CYP27C1: variants seen among roughly 807,000 people sequenced by gnomAD.
CYP27C1 encodes cytochrome P450 family 27 subfamily C member 1.
A neutral mutation model predicts 40.6 loss-of-function variants in CYP27C1; 29 were observed. That is an observed-to-expected ratio of 0.71 (90% CI 0.53 to 0.97). The LOEUF (loss-of-function observed/expected upper bound fraction) is 0.97, where lower values mean the gene tolerates loss of function less well. Ranked by LOEUF, CYP27C1 falls within the 50% of genes least tolerant of loss-of-function variation. The pLI, the probability that CYP27C1 is intolerant of heterozygous loss-of-function variation, is 0.00. For synonymous variants in CYP27C1, 198 were observed against 186.8 expected, an observed-to-expected ratio of 1.06 and a Z score of -0.49; for missense variants, 390 against 485.8, an observed-to-expected ratio of 0.80 and a Z score of 1.85.
intron 1 of CYP27C1, among the ~76,000 whole-genome samples, chr2:127,215,687 C>A (rs1421409545): frequency 6.6e-6 from 1 of 152,030 alleles, no homozygotes; most frequent in African/African-American, 2.4e-5. Context: ...AAGACCCTGT[C>A]TCATTAAAAA....
intron 1 of CYP27C1, among the ~76,000 whole-genome samples, chr2:127,207,500 A>G (rs1448312750): frequency 3.3e-5 from 5 of 152,088 alleles, no homozygotes; most frequent in Admixed American, 2.6e-4. Context: ...CTATCTCAAA[A>G]AATACATATA....
intron 1 of CYP27C1, among the ~76,000 whole-genome samples, chr2:127,214,790 T>TGG (rs1558935013): frequency 1.1e-4 from 16 of 144,554 alleles, no homozygotes; most frequent in African/African-American, 3.8e-4. Context: ...TTGTTTTTTT[T>TGG]TTTTTTTTTG....
intron 8 of CYP27C1, 133 bp from the exon 9 acceptor site, chr2:127,187,520 C>G: frequency 2.8e-6 from 2 of 710,712 alleles, no homozygotes; most frequent in Non-Finnish European, 4.8e-6. Flanking sequence ...CCACATCCAG[C>G]TTTTGGAGGC....
intron 8 of CYP27C1, among the ~76,000 whole-genome samples, chr2:127,192,778 A>G (rs1055236917): frequency 5.9e-5 from 3 of 50,706 alleles, no homozygotes; most frequent in African/African-American, 2.2e-4. Flanking sequence ...CAGGGTGGGC[A>G]CGGGAGATGG....
In CYP27C1 at chr2:127,209,268, G is replaced by T. The variant is rs1683292843; in HGVS notation, c.283-3178C>A. Among the ~76,000 whole-genome samples, 1 of 151,710 alleles carries T rather than the reference G, an allele frequency of 6.6e-6. No homozygotes were observed. The highest frequency in any genetic ancestry group is 1.5e-5 in the Non-Finnish European group (1 of 67,938). ...AACTGCAGCAGCCCTACAGAAGAGG[G>T]ATTGACTATTGAAAGAAAAACAAAC... On this transcript the variant is annotated intron_variant, in intron 1 of 8. Transcript: ENST00000664447. The surrounding 1 kb of genome is among the most constrained non-coding windows in gnomAD (Gnocchi z 4.1).
At chr2:127,199,587 A>G in intron 4 of CYP27C1, 48 bp from the exon 5 acceptor site, 1 of 1,548,430 alleles carries the variant, frequency 6.5e-7, no homozygotes, top group East Asian at 2.4e-5. Flanking sequence ...GTTGAGAATC[A>G]TCTTTTCAGT....
intron 1 of CYP27C1, among the ~76,000 whole-genome samples, chr2:127,217,062 C>A (rs946670150): frequency 6.6e-6 from 1 of 152,210 alleles, no homozygotes; most frequent in Admixed American, 6.5e-5. Flanking sequence ...TGACTGGTAA[C>A]AAGAACTACT....
At position 127,200,496 on chromosome 2, in the gene CYP27C1, C is replaced by G. The variant is rs191016807; in HGVS notation, c.883+626G>C. Among the ~76,000 whole-genome samples the G allele has an allele frequency of 6.6e-6, 1 of 152,318 alleles. No individual in the cohort carries two copies. The highest frequency in any genetic ancestry group is 1.9e-4 in the East Asian group (1 of 5,190). ...CAAATGAATGTGCGTGGACCTGAAA[C>G]TCTACATTTTAAGCACTGACCAATT... On this transcript the variant is annotated intron_variant, in intron 4 of 8. Coordinates refer to ENST00000664447, the MANE Select transcript of CYP27C1 (RefSeq NM_001367502.1). This position sits in a 1 kb window ranked among gnomAD's most constrained non-coding sequence, Gnocchi z 4.2.
chr2:127,210,628 A>G (rs529949949), intron 1 of CYP27C1, among the ~76,000 whole-genome samples: 10 of 152,280 alleles, frequency 6.6e-5, no homozygotes, highest in Non-Finnish European at 1.5e-4. Context: ...CTTAAAGGCA[A>G]AGACACACAG....
intron 6 of CYP27C1, among the ~76,000 whole-genome samples, chr2:127,194,565 T>C (rs1217795671): frequency 6.6e-6 from 1 of 152,114 alleles, no homozygotes; most frequent in East Asian, 1.9e-4. Context: ...GGCTTTTCTG[T>C]TTGTCAGGAA....
Position 127,195,289 on chromosome 2 carries a change from G to A in CYP27C1, c.1214+46C>T. 6.2e-7 allele frequency: 1 copy of A among 1,612,014 alleles called. No homozygotes were observed. The highest frequency in any genetic ancestry group is 1.1e-5 in the South Asian group (1 of 90,792). ...GGACTTGTTGTGATAGAGAACCAGGGACCTAAGGGACACAGTTTGTTGACG... is the reference window on the plus strand; with the variant it reads ...GGACTTGTTGTGATAGAGAACCAGGAACCTAAGGGACACAGTTTGTTGACG... On this transcript the variant is annotated intron_variant, in intron 6 of 8. Transcript: ENST00000664447. This position sits in a 1 kb window ranked among gnomAD's most constrained non-coding sequence, Gnocchi z 6.2.
rs543973765 is a variant in CYP27C1, at chr2:127,201,040, C to T, written c.883+82G>A. 7.4e-7 allele frequency: 1 copy of T among 1,343,302 alleles called. No individual in the cohort carries two copies. Among genetic ancestry groups the T allele is most frequent in the Non-Finnish European group, 1.1e-6 (1 of 949,216 alleles). The allele number at this position is 1,343,302 out of a possible 1,614,324, so 83.2% of individuals were successfully genotyped here. ...ATCTAGGCATCCTCTGCTATGGTCA[C>T]CCATTGTCTGGATGAGAGTTAGACA... On this transcript the variant is annotated intron_variant, in intron 4 of 8. Transcript: ENST00000664447. The surrounding 1 kb of genome is among the most constrained non-coding windows in gnomAD (Gnocchi z 6.0).
At chr2:127,204,922 G>A (rs1248737626) in intron 2 of CYP27C1, among the ~76,000 whole-genome samples, 1 of 152,196 alleles carries the variant, frequency 6.6e-6, no homozygotes, top group African/African-American at 2.4e-5. Context: ...CGTTCTCAAG[G>A]AGACCACCTG....
rs1241655298 is a variant in CYP27C1, at chr2:127,185,697, A to C, written c.*1574T>G. On this transcript the variant is annotated 3_prime_UTR_variant, in exon 9 of 9. Coordinates refer to ENST00000664447, the MANE Select transcript of CYP27C1 (RefSeq NM_001367502.1). The surrounding 1 kb of genome is among the most constrained non-coding windows in gnomAD (Gnocchi z 4.9). The stretch of plus-strand genomic sequence containing the variant: ...TGTGAAATGGATATTATGTCTATTT[A>C]CTTAAGGGTTATTTTGCAGAGTGAC... The C allele has an allele frequency of 6.6e-6, 1 of 152,210 alleles. No individual in the cohort carries two copies. The highest frequency in any genetic ancestry group is 1.5e-5 in the Non-Finnish European group (1 of 68,036). 9.4% of individuals were successfully genotyped at this position (152,210 alleles called of 1,614,324 possible). A position where few individuals can be genotyped will look rare whatever the true frequency, so the allele number is the denominator to read the frequency against.
chr2:127,189,998 A>G (rs1005935716), intron 8 of CYP27C1, among the ~76,000 whole-genome samples: 5 of 152,074 alleles, frequency 3.3e-5, no homozygotes, highest in Non-Finnish European at 7.4e-5. Flanking sequence ...TCTATTCTCT[A>G]TTTATATAAG....
Position 127,185,942 on chromosome 2 carries a change from C to T in CYP27C1, c.*1329G>A, listed in dbSNP as rs1682615172. The T allele has an allele frequency of 6.6e-6, 1 of 152,200 alleles. No homozygotes were observed. Among genetic ancestry groups the T allele is most frequent in the Non-Finnish European group, 1.5e-5 (1 of 68,044 alleles). 9.4% of individuals were successfully genotyped at this position (152,200 alleles called of 1,614,324 possible). A position where few individuals can be genotyped will look rare whatever the true frequency, so the allele number is the denominator to read the frequency against. ...CCCAGCACTCCCGGAGCCACGGCTT[C>T]CCAGAGAGCCTGGCACAGGCACACA... On this transcript the variant is annotated 3_prime_UTR_variant, in exon 9 of 9. Transcript: ENST00000664447. This position sits in a 1 kb window ranked among gnomAD's most constrained non-coding sequence, Gnocchi z 4.9.
chr2:127,199,410 T>G lies in CYP27C1; in HGVS notation c.1013A>C (p.Asn338Thr). ...QALTLQEIYA[N>T]VTEMLLAGVD... ...GCCGGCCAGCAGCATCTCAGTCACG[T>G]TGGCGTAGATCTCCTGCAGCGTCAG... The change falls in exon 5 of 9, where the codon AAC (asparagine) becomes ACC (threonine). Residue 338 changes from asparagine (N) to threonine (T), a missense_variant. Physicochemically the swap from Asn to Thr is moderately conservative, Grantham distance 65 (BLOSUM62 0). Coordinates refer to ENST00000664447, the MANE Select transcript of CYP27C1 (RefSeq NM_001367502.1). The G allele has an allele frequency of 6.2e-7, 1 of 1,614,214 alleles. No individual in the cohort carries two copies. The highest frequency in any genetic ancestry group is 8.5e-7 in the Non-Finnish European group (1 of 1,180,038).
At chr2:127,205,387 C>T in intron 2 of CYP27C1, among the ~76,000 whole-genome samples, 1 of 152,218 alleles carries the variant, frequency 6.6e-6, no homozygotes, top group East Asian at 1.9e-4. Context: ...GGCCTCCCTG[C>T]CTGGCCGCGG....
At position 127,209,606 on chromosome 2, in the gene CYP27C1, T is replaced by C. The variant is rs1406570177; in HGVS notation, c.283-3516A>G. 6.6e-6 allele frequency among the ~76,000 whole-genome samples: 1 copy of C among 152,160 alleles called. No homozygotes were observed. The highest frequency in any genetic ancestry group is 1.5e-5 in the Non-Finnish European group (1 of 68,028). ...ATGTTCTAACACAATGCAAAGAAGC[T>C]AAGAACCTTGATAAAAGGTTAGAGG... On this transcript the variant is annotated intron_variant, in intron 1 of 8. Transcript: ENST00000664447. The surrounding 1 kb of genome is among the most constrained non-coding windows in gnomAD (Gnocchi z 4.1).
Sources: allele counts gnomAD v4.1 joint callset (sites outside exome capture counted in the v4.1 genomes callset), GRCh38; gene constraint gnomAD v4.1.1; non-coding constraint Gnocchi (gnomAD v3.1); transcripts MANE v1.5; gene names NCBI Gene and HGNC (gene_info 2026-07-23, HGNC 2026-07-21).